PCDHGB2: variants seen among roughly 807,000 people sequenced by gnomAD.
PCDHGB2 encodes the protein protocadherin gamma-B2.
A neutral mutation model predicts 59.3 loss-of-function variants in PCDHGB2; 55 were observed. That is an observed-to-expected ratio of 0.93 (90% CI 0.75 to 1.16). PCDHGB2 has a LOEUF of 1.16. Among genes scored for constraint, PCDHGB2 ranks in the 50% most tolerant of loss-of-function variants. PCDHGB2 has a pLI of 0.00. For missense variants in PCDHGB2, 1,228 were observed against 1,198.5 expected (o/e 1.02, Z -0.36); for synonymous variants, 516 against 512.0 (o/e 1.01, Z -0.11).
chr5:141,489,610 C>G lies in PCDHGB2; in HGVS notation c.2422-5197C>G, dbSNP rs142775705. 3,083 of 1,614,088 alleles carry G rather than the reference C, an allele frequency of 1.9e-3. 6 individuals are homozygous for G. Among genetic ancestry groups the G allele is most frequent in the Non-Finnish European group, 2.4e-3 (2,793 of 1,179,988 alleles). ...GCTAATCCGTGTAGAGGTAGAGATC[C>G]TGGATCTCAATGACAACTCTCCTAG... On this transcript the variant is annotated intron_variant, in intron 1 of 3. Transcript: ENST00000522605. The surrounding 1 kb of genome is among the most constrained non-coding windows in gnomAD (Gnocchi z 4.5).
intron 1 of PCDHGB2, chr5:141,420,078 C>T (rs764695314): frequency 6.2e-7 from 1 of 1,614,008 alleles, no homozygotes; most frequent in Non-Finnish European, 8.5e-7. Context: ...CCTGTGGGTC[C>T]CCCCAACTAC....
intron 1 of PCDHGB2, chr5:141,365,934 G>A (rs1488431310): frequency 6.2e-7 from 1 of 1,614,116 alleles, no homozygotes; most frequent in Non-Finnish European, 8.5e-7. Context: ...GTGACAGCCA[G>A]CGACAGTGGG....
intron 1 of PCDHGB2, chr5:141,428,236 G>A (rs1474911413): frequency 9.7e-7 from 1 of 1,026,978 alleles, no homozygotes; most frequent in Admixed American, 1.9e-5. Context: ...CAGCCTGCAG[G>A]AGGCACTGCC....
intron 1 of PCDHGB2, chr5:141,374,616 T>G: frequency 6.2e-7 from 1 of 1,613,518 alleles, no homozygotes; most frequent in South Asian, 1.1e-5. Flanking sequence ...AATAGTCACT[T>G]CTCAGTGGAC....
intron 1 of PCDHGB2, chr5:141,365,361 C>CGT: frequency 6.2e-7 from 1 of 1,613,832 alleles, no homozygotes; most frequent in African/African-American, 1.3e-5. Flanking sequence ...AATGACAATG[C>CGT]CCCCGAAGTG....
rs1280923293 is a variant in PCDHGB2 at position 141,478,837 on chromosome 5, G to A, written c.2422-15970G>A. ...AACTAACCAATCTTGCTAAGGGATG[G>A]TTAAGCTAAAACACAAGATCTCAGC... is the stretch of plus-strand genomic sequence containing the variant. On this transcript the variant is annotated intron_variant, in intron 1 of 3. Transcript: ENST00000522605. 3.5e-6 allele frequency: 5 copies of A among 1,428,112 alleles called. No homozygotes were observed. The African/African-American group carries it at 5.8e-5, about 16-fold the overall frequency. The allele number at this position is 1,428,112 out of a possible 1,614,324, so 88.5% of individuals were successfully genotyped here.
chr5:141,494,894 C>A, intron 2 of PCDHGB2, 29 bp downstream of exon 2: 1 of 1,614,116 alleles, frequency 6.2e-7, no homozygotes, highest in South Asian at 1.1e-5. Flanking sequence ...AGCCCACCCT[C>A]TTCTCTGCGG....
chr5:141,489,592 C>A lies in PCDHGB2; in HGVS notation c.2422-5215C>A, dbSNP rs747085985. On this transcript the variant is annotated intron_variant, in intron 1 of 3. Coordinates refer to ENST00000522605, the MANE Select transcript of PCDHGB2 (RefSeq NM_018923.3). The surrounding 1 kb of genome is among the most constrained non-coding windows in gnomAD (Gnocchi z 4.5). ...GACTGAACACCCCCTGGAGCTAATCCGTGTAGAGGTAGAGATCCTGGATCT... is the reference window on the plus strand; with the variant it reads ...GACTGAACACCCCCTGGAGCTAATCAGTGTAGAGGTAGAGATCCTGGATCT... 3 of 1,614,046 alleles carry A rather than the reference C, an allele frequency of 1.9e-6. No homozygotes were observed. Among genetic ancestry groups the A allele is most frequent in the Non-Finnish European group, 2.5e-6 (3 of 1,179,978 alleles).
chr5:141,438,629 T>C (rs1162332421), intron 1 of PCDHGB2, among the ~76,000 whole-genome samples: 9 of 48,096 alleles, frequency 1.9e-4, no homozygotes, highest in Admixed American at 6.4e-4. Context: ...TATATATATA[T>C]ATATATACAC....
intron 1 of PCDHGB2, chr5:141,399,723 C>T: frequency 6.2e-7 from 1 of 1,613,322 alleles, no homozygotes; most frequent in Non-Finnish European, 8.5e-7. Flanking sequence ...AGGCCCGCGA[C>T]CAGGGCTCGC....
intron 1 of PCDHGB2, chr5:141,389,141 C>A: frequency 1.2e-6 from 2 of 1,613,998 alleles, no homozygotes; most frequent in Non-Finnish European, 8.5e-7. Flanking sequence ...ACAATATAAC[C>A]GTTACGGCAA....
chr5:141,383,749 A>C (rs771648323), intron 1 of PCDHGB2: 12 of 1,614,008 alleles, frequency 7.4e-6, no homozygotes, highest in Non-Finnish European at 1.0e-5. Context: ...TTTTCGGAAA[A>C]TAACTCCTAA....
chr5:141,370,192 G>T (rs1346847979), intron 1 of PCDHGB2: 1 of 524,194 alleles, frequency 1.9e-6, no homozygotes, highest in South Asian at 3.7e-5. Flanking sequence ...CTTGGCTAGT[G>T]CTGTGCAAAA....
chr5:141,387,779 G>T, intron 1 of PCDHGB2: 1 of 1,458,032 alleles, frequency 6.9e-7, no homozygotes, highest in Admixed American at 2.6e-5. Flanking sequence ...TTCTTGAACT[G>T]GAACTGCAAC....
chr5:141,458,990 C>T (rs2098958778), intron 1 of PCDHGB2, among the ~76,000 whole-genome samples: 1 of 152,212 alleles, frequency 6.6e-6, no homozygotes, highest in Non-Finnish European at 1.5e-5. Context: ...GCCTCACCCT[C>T]CCAAAGTGCT....
At chr5:141,418,326 C>T (rs1398536611) in intron 1 of PCDHGB2, 2 of 1,613,986 alleles carry the variant, frequency 1.2e-6, no homozygotes, top group Non-Finnish European at 1.7e-6. Context: ...ATTCTTGAGT[C>T]TGCAGAAGAT....
rs1207371456 is a variant in PCDHGB2 at position 141,487,371 on chromosome 5, G to A, written c.2422-7436G>A. On this transcript the variant is annotated intron_variant, in intron 1 of 3. Transcript: ENST00000522605. The surrounding 1 kb of genome is among the most constrained non-coding windows in gnomAD (Gnocchi z 5.0). ...TGCTTTCCTGCTGGCACCTGTGCCT[G>A]TCTCACCAGATCTCGAAGGAGGGAG... The A allele has an allele frequency of 4.3e-6, 7 of 1,614,076 alleles. No individual in the cohort carries two copies. In the Admixed American group the frequency reaches 5.0e-5, roughly 12 times the overall value.
chr5:141,362,167 C>T lies in PCDHGB2; in HGVS notation c.2032C>T (p.Arg678Cys). The change falls in exon 1 of 4, where the codon CGC becomes TGC. Residue 678 changes from arginine to cysteine, a missense_variant. Around this residue, in one of 3 missense-constraint regions of PCDHGB2, gnomAD observed 433 missense variants for 441.8 expected, o/e 0.98. Transcript: ENST00000522605. Reference protein sequence around the residue: ...LQEVLPDLSDRREPSDPQAKL... With the variant: ...LQEVLPDLSDCREPSDPQAKL... ...AGAGGTATTGCCAGACCTCAGCGAC[C>T]GCCGGGAGCCCTCTGACCCCCAGGC... 1 of 1,614,044 alleles carries T rather than the reference C, an allele frequency of 6.2e-7. No homozygotes were observed. The highest frequency in any genetic ancestry group is 8.5e-7 in the Non-Finnish European group (1 of 1,179,896).
intron 1 of PCDHGB2, chr5:141,394,518 A>C (rs1256235757): frequency 6.2e-7 from 1 of 1,614,094 alleles, no homozygotes; most frequent in Non-Finnish European, 8.5e-7. Flanking sequence ...CGCCCTCCCC[A>C]CAGACGGTTC....
Sources: gnomAD v4.1 joint callset for allele counts (sites outside exome capture counted in the v4.1 genomes callset) on GRCh38, gnomAD v4.1.1 for gene constraint, gnomAD v4.1.1 regional missense constraint, Gnocchi (gnomAD v3.1) non-coding constraint, MANE v1.5 for transcripts, NCBI Gene and HGNC (gene_info 2026-07-23, HGNC 2026-07-21) for gene names.